Variants in FHOD3 observed in about 807,000 individuals in gnomAD.
The protein encoded by FHOD3 is FH1/FH2 domain-containing protein 3.
Under a neutral mutation model 173.0 loss-of-function variants are expected in FHOD3, and 90 were observed. The observed-to-expected ratio is 0.52, with a 90% confidence interval of 0.44 to 0.62. FHOD3 has a LOEUF of 0.62. Ranked by LOEUF, FHOD3 falls within the 20% of genes least tolerant of loss-of-function variation. The pLI, the probability that FHOD3 is intolerant of heterozygous loss-of-function variation, is 0.00. For missense variants in FHOD3, 1,945 were observed against 2,034.7 expected (o/e 0.96, Z 0.85); for synonymous variants, 828 against 823.0 (o/e 1.01, Z -0.10).
At chr18:36,532,185 G>A (rs957747724) in intron 5 of FHOD3, among the ~76,000 whole-genome samples, 14 of 152,206 alleles carry the variant, frequency 9.2e-5, no homozygotes, top group African/African-American at 3.4e-4. Flanking sequence ...TGGAACATCA[G>A]CAAGGCTCTG....
chr18:36,367,501 T>G (rs2046957106), intron 2 of FHOD3, among the ~76,000 whole-genome samples: 1 of 152,196 alleles, frequency 6.6e-6, no homozygotes, highest in Non-Finnish European at 1.5e-5. Context: ...ACTTGGCGCA[T>G]TCCACTTCAT....
At chr18:36,375,250 T>G (rs943841988) in intron 3 of FHOD3, among the ~76,000 whole-genome samples, 1 of 152,112 alleles carries the variant, frequency 6.6e-6, no homozygotes, top group Non-Finnish European at 1.5e-5. Context: ...AAGGAGAAAA[T>G]AAACCTTTTT....
chr18:36,497,677 C>T (rs970886758), intron 3 of FHOD3, among the ~76,000 whole-genome samples: 8 of 152,078 alleles, frequency 5.3e-5, no homozygotes, highest in African/African-American at 1.4e-4. Context: ...TGTAAGCACA[C>T]CTACCAACAG....
chr18:36,700,356 T>C (rs2039512606), intron 17 of FHOD3, among the ~76,000 whole-genome samples: 1 of 152,186 alleles, frequency 6.6e-6, no homozygotes, highest in Admixed American at 6.5e-5. Context: ...GAAGGTGATG[T>C]CTATCTCTCA....
intron 28 of FHOD3, among the ~76,000 whole-genome samples, chr18:36,777,197 T>TC (rs1241274402): frequency 6.9e-6 from 1 of 145,442 alleles, no homozygotes; most frequent in African/African-American, 2.7e-5. Flanking sequence ...TTCTTCTTTT[T>TC]CTTTTTTTTT....
In FHOD3 at chr18:36,720,372, G is replaced by A. The variant is rs922284812; in HGVS notation, c.3417+1657G>A. On this transcript the variant is annotated intron_variant, in intron 19 of 28. Transcript: ENST00000590592. Reference sequence around the variant, plus strand: ...CCTGCCTCCGCCTCCTGAGTAGCTGGGATTACAGGTGCCCACTGCTACACC... The same window carrying A: ...CCTGCCTCCGCCTCCTGAGTAGCTGAGATTACAGGTGCCCACTGCTACACC... Among the ~76,000 whole-genome samples, 5 of 151,638 alleles carry A rather than the reference G, an allele frequency of 3.3e-5. No homozygotes were observed. The South Asian group carries it at 1.0e-3, about 32-fold the overall frequency.
chr18:36,746,793 A>T (rs2042174304), intron 23 of FHOD3, 152 bp from the exon 24 acceptor site: 1 of 556,428 alleles, frequency 1.8e-6, no homozygotes, highest in Non-Finnish European at 3.1e-6. Context: ...ACAGATACAC[A>T]TGTGAATAAT....
chr18:36,611,883 G>A, intron 8 of FHOD3, 69 bp from the exon 9 acceptor site: 2 of 1,480,004 alleles, frequency 1.4e-6, no homozygotes, highest in Non-Finnish European at 1.8e-6. Context: ...TTAGGCATTG[G>A]AAAATGCCCT....
At chr18:36,395,883 G>T (rs1376629908) in intron 3 of FHOD3, among the ~76,000 whole-genome samples, 4 of 152,132 alleles carry the variant, frequency 2.6e-5, no homozygotes, top group Non-Finnish European at 5.9e-5. Flanking sequence ...TTTGTCTGTA[G>T]ATATTACCCA....
chr18:36,511,524 A>G (rs1331809068), intron 4 of FHOD3, among the ~76,000 whole-genome samples: 1 of 152,118 alleles, frequency 6.6e-6, no homozygotes, highest in Non-Finnish European at 1.5e-5. Context: ...GATTAAATCC[A>G]TCTGGGTAAG....
intron 3 of FHOD3, among the ~76,000 whole-genome samples, chr18:36,452,838 G>GTA (rs888973564): frequency 6.6e-6 from 1 of 151,876 alleles, no homozygotes; most frequent in Non-Finnish European, 1.5e-5. Flanking sequence ...GTGTGTGTAT[G>GTA]TATATATATG....
Position 36,755,439 on chromosome 18 carries a change from T to C in FHOD3, c.4425+128T>C, listed in dbSNP as rs2042593049. The C allele has an allele frequency of 6.9e-6, 5 of 719,804 alleles. No individual in the cohort carries two copies. In the Admixed American group the frequency reaches 1.5e-4, roughly 22 times the overall value. 44.6% of individuals were successfully genotyped at this position (719,804 alleles called of 1,614,324 possible). ...TTTTTTTTTTTTGACTATAAAAAATTATCTCTTTTAAAAAGTGCTCTTAAA... is the reference window on the plus strand; with the variant it reads ...TTTTTTTTTTTTGACTATAAAAAATCATCTCTTTTAAAAAGTGCTCTTAAA... On this transcript the variant is annotated intron_variant, in intron 25 of 28. Transcript: ENST00000590592.
chr18:36,673,116 C>T (rs1167279847), intron 14 of FHOD3, among the ~76,000 whole-genome samples: 1 of 152,130 alleles, frequency 6.6e-6, no homozygotes, highest in Non-Finnish European at 1.5e-5. Flanking sequence ...AGCTTTTGAT[C>T]ATCTGTCTGT....
chr18:36,409,212 A>G (rs1379518929), intron 3 of FHOD3, among the ~76,000 whole-genome samples: 1 of 152,178 alleles, frequency 6.6e-6, no homozygotes, highest in Non-Finnish European at 1.5e-5. Flanking sequence ...AGGGGCATGC[A>G]CATCTCCTTC....
intron 3 of FHOD3, among the ~76,000 whole-genome samples, chr18:36,477,237 G>A (rs962709642): frequency 3.9e-5 from 6 of 152,150 alleles, no homozygotes; most frequent in Admixed American, 2.6e-4. Context: ...TTGGGATGGT[G>A]CAGTTCCTGA....
chr18:36,693,159 C>A, intron 16 of FHOD3, 50 bp from the exon 17 acceptor site: 1 of 1,546,952 alleles, frequency 6.5e-7, no homozygotes, highest in African/African-American at 1.4e-5. Flanking sequence ...AAGCATCAGC[C>A]ACAGGCTCCT....
intron 14 of FHOD3, among the ~76,000 whole-genome samples, chr18:36,667,250 G>A (rs1182992803): frequency 6.6e-6 from 1 of 152,148 alleles, no homozygotes; most frequent in Non-Finnish European, 1.5e-5. Context: ...GCTATGTTCT[G>A]AGAAAAGCAG....
At chr18:36,465,826 G>T (rs2052883538) in intron 3 of FHOD3, among the ~76,000 whole-genome samples, 1 of 152,088 alleles carries the variant, frequency 6.6e-6, no homozygotes, top group African/African-American at 2.4e-5. Flanking sequence ...GAGAGAGGTG[G>T]TTTTTCCTTC....
At chr18:36,500,602 C>T (rs2054982267) in intron 3 of FHOD3, among the ~76,000 whole-genome samples, 1 of 152,190 alleles carries the variant, frequency 6.6e-6, no homozygotes, top group Non-Finnish European at 1.5e-5. Flanking sequence ...TAACACAGAA[C>T]CCATTTTCCT....
Sources: gnomAD v4.1 joint callset for allele counts (sites outside exome capture counted in the v4.1 genomes callset) on GRCh38, gnomAD v4.1.1 for gene constraint, MANE v1.5 for transcripts, NCBI Gene and HGNC (gene_info 2026-07-23, HGNC 2026-07-21) for gene names.